Variants in E2F3 observed in about 807,000 individuals in gnomAD.
E2F3 encodes E2F transcription factor 3, also known as transcription factor E2F3.
A neutral mutation model predicts 44.4 loss-of-function variants in E2F3; 11 were observed. The ratio of observed to expected loss-of-function variants is 0.25; its 90% CI spans 0.16 to 0.41. The LOEUF (loss-of-function observed/expected upper bound fraction) is 0.41, where lower values mean the gene tolerates loss of function less well. Ranked by LOEUF, E2F3 falls within the 10% of genes least tolerant of loss-of-function variation. The pLI is 1.00. For missense variants in E2F3, 487 were observed against 583.6 expected (o/e 0.83, Z 1.70); for synonymous variants, 249 against 253.0 (o/e 0.98, Z 0.15).
intron 1 of E2F3, among the ~76,000 whole-genome samples, chr6:20,429,587 A>G (rs533294767): frequency 2.2e-4 from 33 of 152,304 alleles, no homozygotes; most frequent in African/African-American, 7.9e-4. Context: ...TTTTTTCCGG[A>G]AAGTCTAGGA....
intron 1 of E2F3, among the ~76,000 whole-genome samples, chr6:20,449,049 T>G (rs1761040925): frequency 6.6e-6 from 1 of 152,232 alleles, no homozygotes; most frequent in African/African-American, 2.4e-5. Flanking sequence ...GTCAGTCACT[T>G]TGACCTAACC....
At position 20,483,017 on chromosome 6, in the gene E2F3, G is replaced by A; in HGVS notation, c.884+97G>A. The A allele has an allele frequency of 4.5e-6, 7 of 1,562,008 alleles. No individual in the cohort carries two copies. The South Asian group carries it at 7.9e-5, about 18-fold the overall frequency. ...TATGCACAAGGTAGATTATTATTCT[G>A]ATGTCATGCAAATGAGTACCTGTGT... is the stretch of plus-strand genomic sequence containing the variant. On this transcript the variant is annotated intron_variant, in intron 4 of 6. Transcript: ENST00000346618.
At chr6:20,424,395 G>A (rs975997276) in intron 1 of E2F3, among the ~76,000 whole-genome samples, 1 of 151,852 alleles carries the variant, frequency 6.6e-6, no homozygotes, top group Non-Finnish European at 1.5e-5. Flanking sequence ...GTGTGTGTGT[G>A]TGTGTGTGTG....
chr6:20,448,779 C>A (rs1254390653), intron 1 of E2F3, among the ~76,000 whole-genome samples: 3 of 152,092 alleles, frequency 2.0e-5, no homozygotes, highest in Non-Finnish European at 4.4e-5. Flanking sequence ...TGAAACAAAG[C>A]TGAAGGTGGG....
intron 1 of E2F3, among the ~76,000 whole-genome samples, chr6:20,472,066 A>T (rs867355091): frequency 1.8e-4 from 27 of 148,168 alleles, no homozygotes; most frequent in African/African-American, 6.5e-4. Context: ...ACACACACAC[A>T]CACTCACATC....
intron 1 of E2F3, among the ~76,000 whole-genome samples, chr6:20,403,441 C>T (rs1759378535): frequency 6.6e-6 from 1 of 152,148 alleles, no homozygotes; most frequent in Non-Finnish European, 1.5e-5. Context: ...TCCCCCTCTC[C>T]GCCCCCCGGC....
chr6:20,469,665 A>G (rs1761827588), intron 1 of E2F3, among the ~76,000 whole-genome samples: 1 of 152,220 alleles, frequency 6.6e-6, no homozygotes, highest in Non-Finnish European at 1.5e-5. Context: ...TACAGGTTAT[A>G]GTGAAATTAA....
chr6:20,452,701 G>A (rs960479863), intron 1 of E2F3, among the ~76,000 whole-genome samples: 1 of 152,158 alleles, frequency 6.6e-6, no homozygotes, highest in East Asian at 1.9e-4. Context: ...TGTAATCCCA[G>A]CACTTTGGGA....
At chr6:20,446,714 G>C (rs564903076) in intron 1 of E2F3, among the ~76,000 whole-genome samples, 2 of 152,042 alleles carry the variant, frequency 1.3e-5, no homozygotes, top group African/African-American at 4.8e-5. Flanking sequence ...TACTACAGGT[G>C]TGCGCTACCA....
At chr6:20,470,216 T>G (rs566171568) in intron 1 of E2F3, among the ~76,000 whole-genome samples, 2 of 152,214 alleles carry the variant, frequency 1.3e-5, no homozygotes, top group Non-Finnish European at 2.9e-5. Context: ...CCCCTCTTCA[T>G]GCCCTCCTGG....
chr6:20,445,252 T>C (rs987207511), intron 1 of E2F3: 4 of 745,412 alleles, frequency 5.4e-6, no homozygotes, highest in Non-Finnish European at 4.9e-6. Context: ...TCTCCCTTTT[T>C]TTTTTTTGAG....
At chr6:20,406,484 A>G (rs929787798) in intron 1 of E2F3, among the ~76,000 whole-genome samples, 1 of 152,220 alleles carries the variant, frequency 6.6e-6, no homozygotes, top group Non-Finnish European at 1.5e-5. Flanking sequence ...CCCTTTGTTT[A>G]CATATATGAA....
At chr6:20,428,625 G>T (rs1333287045) in intron 1 of E2F3, among the ~76,000 whole-genome samples, 3 of 152,260 alleles carry the variant, frequency 2.0e-5, no homozygotes, top group Admixed American at 2.0e-4. Context: ...ATGTAGACAG[G>T]GTCAGAAAGG....
At chr6:20,479,230 C>G (rs1318266856) in intron 1 of E2F3, among the ~76,000 whole-genome samples, 1 of 152,188 alleles carries the variant, frequency 6.6e-6, no homozygotes, top group Non-Finnish European at 1.5e-5. Context: ...TCCAATCACC[C>G]TTTCTCTCAT....
chr6:20,403,318 C>T (rs892162387), intron 1 of E2F3, among the ~76,000 whole-genome samples: 6 of 152,048 alleles, frequency 3.9e-5, no homozygotes, highest in African/African-American at 1.4e-4. Flanking sequence ...CTGGGCGCAT[C>T]CTGGCAGTGG....
chr6:20,432,172 A>G (rs957903606), intron 1 of E2F3, among the ~76,000 whole-genome samples: 1 of 152,250 alleles, frequency 6.6e-6, no homozygotes, highest in Non-Finnish European at 1.5e-5. Flanking sequence ...TGAAGGAGAA[A>G]AATCTGATTT....
chr6:20,489,956 C>A (rs1221575631), intron 6 of E2F3, among the ~76,000 whole-genome samples: 1 of 152,124 alleles, frequency 6.6e-6, no homozygotes, highest in Non-Finnish European at 1.5e-5. Flanking sequence ...GAGAATAAGA[C>A]CCTGTCTCAA....
At chr6:20,466,058 C>T (rs897320790) in intron 1 of E2F3, among the ~76,000 whole-genome samples, 8 of 151,942 alleles carry the variant, frequency 5.3e-5, no homozygotes, top group Admixed American at 1.3e-4. Flanking sequence ...AGTTTACATT[C>T]CCACCAGCAG....
At chr6:20,465,631 C>T (rs1354665192) in intron 1 of E2F3, among the ~76,000 whole-genome samples, 1 of 152,158 alleles carries the variant, frequency 6.6e-6, no homozygotes, top group East Asian at 1.9e-4. Context: ...CCCCAAAGTC[C>T]ATTGTGTCAT....
Sources: gnomAD v4.1 joint callset for allele counts (sites outside exome capture counted in the v4.1 genomes callset) on GRCh38, gnomAD v4.1.1 for gene constraint, MANE v1.5 for transcripts, NCBI Gene and HGNC (gene_info 2026-07-23, HGNC 2026-07-21) for gene names.